The following ASTN2 variants were observed in gnomAD, a reference collection of about 807,000 sequenced individuals.
ASTN2 encodes the protein astrotactin 2, also known as astrotactin-2.
Under a neutral mutation model 139.8 loss-of-function variants are expected in ASTN2, and 54 were observed. The observed-to-expected ratio is 0.39, with a 90% CI of 0.31 to 0.48. The LOEUF is 0.48. ASTN2 is among the 20% of genes least tolerant of loss of function. The pLI is 0.95. For synonymous variants in ASTN2, 756 were observed against 719.5 expected (o/e 1.05, Z -0.81); for missense variants, 1,565 against 1,725.1 (o/e 0.91, Z 1.64).
chr9:117,148,590 A>G (rs1830254459), intron 3 of ASTN2, among the ~76,000 whole-genome samples: 1 of 152,198 alleles, frequency 6.6e-6, no homozygotes, highest in South Asian at 2.1e-4. Flanking sequence ...CAAATCTCCT[A>G]TTCCACTACT....
chr9:116,429,787 G>A (rs1847438007), intron 22 of ASTN2, among the ~76,000 whole-genome samples: 1 of 152,174 alleles, frequency 6.6e-6, no homozygotes, highest in South Asian at 2.1e-4. Flanking sequence ...CGGGGGCAGA[G>A]CACTGGGTTG....
intron 10 of ASTN2, among the ~76,000 whole-genome samples, chr9:116,867,947 T>A (rs983118020): frequency 3.9e-5 from 6 of 152,206 alleles, no homozygotes; most frequent in African/African-American, 1.4e-4. Flanking sequence ...CAATCCTTCA[T>A]CTCACTTGCG....
intron 1 of ASTN2, among the ~76,000 whole-genome samples, chr9:117,387,132 T>C (rs1362117896): frequency 1.3e-5 from 2 of 152,172 alleles, no homozygotes; most frequent in African/African-American, 4.8e-5. Context: ...CTTGTATCTA[T>C]ATACTATTCA....
At position 116,641,413 on chromosome 9, in the gene ASTN2, T is replaced by C. The variant is rs12235870; in HGVS notation, c.3072+10115A>G. ...TTGTAAGACCTTGAGACAAGTGATT[T>C]AGCTTCTCCATGCCTCAGTTTTCAT... is the stretch of plus-strand genomic sequence containing the variant. On this transcript the variant is annotated intron_variant, in intron 17 of 22. Transcript: ENST00000313400. Among the ~76,000 whole-genome samples, 82 of 152,298 alleles carry C rather than the reference T, an allele frequency of 5.4e-4. No individual in the cohort carries two copies. The East Asian group carries it at 0.016, about 29-fold the overall frequency.
At chr9:117,361,619 G>A (rs1829694910) in intron 1 of ASTN2, among the ~76,000 whole-genome samples, 1 of 152,160 alleles carries the variant, frequency 6.6e-6, no homozygotes, top group Non-Finnish European at 1.5e-5. Context: ...AATGTCAATG[G>A]CGCTCAGCTC....
intron 19 of ASTN2, chr9:116,610,995 A>T (rs1298068005): frequency 6.6e-6 from 1 of 152,190 alleles, no homozygotes; most frequent in African/African-American, 2.4e-5. Flanking sequence ...GTGGATACAC[A>T]TTATTTTAAA....
At chr9:117,017,958 TAAA>T (rs10649974) in intron 6 of ASTN2, among the ~76,000 whole-genome samples, 1 of 142,492 alleles carries the variant, frequency 7.0e-6, no homozygotes, top group Non-Finnish European at 1.5e-5. Flanking sequence ...TCAGTCTCAT[TAAA>T]AAAAAAAAAA....
chr9:116,485,168 A>G (rs1315696951), intron 20 of ASTN2, among the ~76,000 whole-genome samples: 3 of 152,218 alleles, frequency 2.0e-5, no homozygotes, highest in Non-Finnish European at 4.4e-5. Context: ...CTGGAACCTC[A>G]TCACTAGAGA....
chr9:116,496,553 G>A (rs1003163310), intron 19 of ASTN2, among the ~76,000 whole-genome samples: 4 of 152,164 alleles, frequency 2.6e-5, no homozygotes, highest in African/African-American at 9.7e-5. Context: ...CCCTTTTAAG[G>A]AGGGAACAAG....
At position 116,767,820 on chromosome 9, in the gene ASTN2, T is replaced by C. The variant is rs546303998; in HGVS notation, c.2397-34297A>G. 3.3e-5 allele frequency among the ~76,000 whole-genome samples: 5 copies of C among 152,238 alleles called. No individual in the cohort carries two copies. In the South Asian group the frequency reaches 1.0e-3, roughly 32 times the overall value. On this transcript the variant is annotated intron_variant, in intron 13 of 22. Transcript: ENST00000313400. ...CAGAGGAATGGAGCAATGTGGTAAA[T>C]ATCTCCAGAAGGAAGGAAAACAGGG... is the stretch of plus-strand genomic sequence containing the variant.
intron 19 of ASTN2, among the ~76,000 whole-genome samples, chr9:116,524,819 C>T (rs972343797): frequency 6.6e-6 from 1 of 152,118 alleles, no homozygotes; most frequent in African/African-American, 2.4e-5. Context: ...TAGAGATATG[C>T]CTGTTCTGTC....
intron 10 of ASTN2, among the ~76,000 whole-genome samples, chr9:116,920,502 C>A (rs1224304962): frequency 6.6e-6 from 1 of 152,222 alleles, no homozygotes; most frequent in Non-Finnish European, 1.5e-5. Flanking sequence ...CTGTCTACTG[C>A]AAGCTCCCTT....
At chr9:116,931,456 G>T (rs79604827) in intron 10 of ASTN2, among the ~76,000 whole-genome samples, 2 of 152,128 alleles carry the variant, frequency 1.3e-5, no homozygotes, top group South Asian at 4.1e-4. Flanking sequence ...ACAAATTATT[G>T]AATTCTTATG....
rs184283687 is a variant in ASTN2 at position 116,865,758 on chromosome 9, C to A, written c.1890-2025G>T. Among the ~76,000 whole-genome samples the A allele has an allele frequency of 3.7e-3, 570 of 152,274 alleles. 8 individuals are homozygous for A. The highest frequency in any genetic ancestry group is 0.013 in the African/African-American group (531 of 41,562). ...CTGAAGAGGGGATCTGTGTGTGGTA[C>A]CTGCAGGCACCTCTCTCAATCCCAA... On this transcript the variant is annotated intron_variant, in intron 10 of 22. Transcript: ENST00000313400.
intron 4 of ASTN2, among the ~76,000 whole-genome samples, chr9:117,129,406 CAG>C (rs1350546221): frequency 4.6e-5 from 7 of 152,108 alleles, no homozygotes; most frequent in African/African-American, 1.4e-4. Flanking sequence ...CTAAATGTTG[CAG>C]AGTCATCACT....
At chr9:116,440,949 A>C in intron 21 of ASTN2, among the ~76,000 whole-genome samples, 157 bp from the exon 22 acceptor site, 1 of 152,248 alleles carries the variant, frequency 6.6e-6, no homozygotes, top group Middle Eastern at 3.4e-3. Context: ...TATGTTATTG[A>C]CTGGTTGTGT....
At chr9:116,794,098 T>TTA (rs1830626448) in intron 13 of ASTN2, among the ~76,000 whole-genome samples, 1 of 135,086 alleles carries the variant, frequency 7.4e-6, no homozygotes. Flanking sequence ...ATAAACACCT[T>TTA]TTTTTTTTTT....
intron 10 of ASTN2, among the ~76,000 whole-genome samples, chr9:116,948,794 T>TTTTGTTTTTTTTTTTTTTG (rs1554764213): frequency 8.3e-6 from 1 of 120,412 alleles, no homozygotes; most frequent in Non-Finnish European, 1.7e-5. Flanking sequence ...TGTTTTTTTT[T>TTTTGTTTTTTTTTTTTTTG]TTTTTTTTTT....
chr9:117,226,376 T>C (rs1379147752), intron 2 of ASTN2, among the ~76,000 whole-genome samples: 2 of 152,166 alleles, frequency 1.3e-5, no homozygotes, highest in Non-Finnish European at 2.9e-5. Flanking sequence ...ATTTCATCAC[T>C]GAAATAGACT....
Sources: gnomAD v4.1 joint callset for allele counts (sites outside exome capture counted in the v4.1 genomes callset) on GRCh38, gnomAD v4.1.1 for gene constraint, MANE v1.5 for transcripts, NCBI Gene and HGNC (gene_info 2026-07-23, HGNC 2026-07-21) for gene names.